SDK1: variants seen among roughly 807,000 people sequenced by gnomAD.
SDK1 encodes protein sidekick-1.
SDK1 carries 157 observed loss-of-function variants against 245.5 expected under a neutral mutation model. That is an observed-to-expected ratio of 0.64 (90% CI 0.56 to 0.73). The LOEUF is 0.73. Ranked by LOEUF, SDK1 falls within the 30% of genes least tolerant of loss-of-function variation. SDK1 has a pLI of 0.00. For synonymous variants in SDK1, 1,647 were observed against 1,278.5 expected (o/e 1.29, Z -6.15); for missense variants, 3,583 against 3,002.3 (o/e 1.19, Z -4.52).
At chr7:3,893,304 G>T (rs1451549606) in intron 5 of SDK1, among the ~76,000 whole-genome samples, 1 of 152,132 alleles carries the variant, frequency 6.6e-6, no homozygotes. Context: ...ACCTGGGTCT[G>T]AATCGCACTG....
chr7:3,589,711 G>A (rs953683604), intron 1 of SDK1, among the ~76,000 whole-genome samples: 1 of 152,136 alleles, frequency 6.6e-6, no homozygotes, highest in Non-Finnish European at 1.5e-5. Flanking sequence ...AGGACTCACT[G>A]TCATGAGAAC....
intron 22 of SDK1, among the ~76,000 whole-genome samples, chr7:4,105,477 T>C (rs1782841108): frequency 6.6e-6 from 1 of 151,728 alleles, no homozygotes. Context: ...CAGCCAATTT[T>C]TGTATTTTTA....
At chr7:4,209,171 G>C (rs1430049570) in intron 37 of SDK1, among the ~76,000 whole-genome samples, 1 of 152,222 alleles carries the variant, frequency 6.6e-6, no homozygotes, top group East Asian at 1.9e-4. Flanking sequence ...GCCCGCATCT[G>C]AGCTGGAAGG....
chr7:3,380,151 G>T (rs1781449633), intron 1 of SDK1, among the ~76,000 whole-genome samples: 1 of 152,080 alleles, frequency 6.6e-6, no homozygotes, highest in South Asian at 2.1e-4. Flanking sequence ...CAGAAAAAAA[G>T]TTCCTAAAAT....
At chr7:4,101,219 G>A (rs1782517578) in intron 22 of SDK1, among the ~76,000 whole-genome samples, 1 of 151,718 alleles carries the variant, frequency 6.6e-6, no homozygotes, top group South Asian at 2.1e-4. Flanking sequence ...TGCGATCTCG[G>A]CAAGCTCCGC....
chr7:3,457,732 C>T (rs1345340919), intron 1 of SDK1, among the ~76,000 whole-genome samples: 1 of 152,126 alleles, frequency 6.6e-6, no homozygotes, highest in East Asian at 1.9e-4. Flanking sequence ...GCTGATTGTT[C>T]TCTGGGTCTT....
In SDK1 at chr7:4,174,903, G is replaced by A. The variant is rs528929811; in HGVS notation, c.4936+546G>A. On this transcript the variant is annotated intron_variant, in intron 33 of 44. Transcript: ENST00000404826. ...CCCTGCCCGTTCCCACCCCTCCTCTGTTGGATGGAGGTTAGAGGGGGTTCA... is the reference window on the plus strand; with the variant it reads ...CCCTGCCCGTTCCCACCCCTCCTCTATTGGATGGAGGTTAGAGGGGGTTCA... Among the ~76,000 whole-genome samples, 8 of 152,314 alleles carry A rather than the reference G, an allele frequency of 5.3e-5. No homozygotes were observed. The East Asian group carries it at 1.4e-3, about 26-fold the overall frequency.
rs1786319488 is a variant in SDK1 at position 4,238,432 on chromosome 7, CTT to C, written c.6130+649_6130+650del. On this transcript the variant is annotated intron_variant, in intron 42 of 44. Coordinates refer to ENST00000404826, the MANE Select transcript of SDK1 (RefSeq NM_152744.4). ...AGTGAGGTGTGTCTGGGAATGGTGG[CTT>C]ATGCCTGTAATCCTAGTGATTTTGG... Among the ~76,000 whole-genome samples the C allele has an allele frequency of 3.9e-5, 6 of 152,156 alleles. No individual in the cohort carries two copies. In the South Asian group the frequency reaches 1.2e-3, roughly 32 times the overall value.
chr7:3,771,436 A>T (rs113323745), intron 4 of SDK1, among the ~76,000 whole-genome samples: 1 of 152,136 alleles, frequency 6.6e-6, no homozygotes, highest in Non-Finnish European at 1.5e-5. Flanking sequence ...GAGCATAAAG[A>T]ATCGAGGCCG....
chr7:3,666,623 C>T (rs997289393), intron 4 of SDK1, among the ~76,000 whole-genome samples: 10 of 152,186 alleles, frequency 6.6e-5, no homozygotes, highest in African/African-American at 2.4e-4. Context: ...GACAGACACT[C>T]TGTATCTCAG....
At chr7:3,761,259 CCTT>C (rs1385229563) in intron 4 of SDK1, among the ~76,000 whole-genome samples, 1 of 97,530 alleles carries the variant, frequency 1.0e-5, no homozygotes, top group Non-Finnish European at 2.0e-5. Flanking sequence ...AGCCCCCCCT[CCTT>C]TTTTTTTTTT....
chr7:4,220,686 G>A lies in SDK1; in HGVS notation c.5701+416G>A, dbSNP rs368849395. 4.6e-5 allele frequency among the ~76,000 whole-genome samples: 7 copies of A among 152,236 alleles called. No homozygotes were observed. In the East Asian group the frequency reaches 1.2e-3, roughly 25 times the overall value. ...ACAGGAAGGCGTGGGCTGCAGAACC[G>A]GCATTCAGGGAGTGCTGCTTAGTCC... is the stretch of plus-strand genomic sequence containing the variant. On this transcript the variant is annotated intron_variant, in intron 39 of 44. Transcript: ENST00000404826.
chr7:3,666,446 T>G lies in SDK1; in HGVS notation c.713+24341T>G, dbSNP rs139304194. ...TCTTACATTTCAGATCTCATCACTT[T>G]CTCTGAGACCATTTCCCAGGCTCCT... On this transcript the variant is annotated intron_variant, in intron 4 of 44. Coordinates refer to ENST00000404826, the MANE Select transcript of SDK1 (RefSeq NM_152744.4). Among the ~76,000 whole-genome samples the G allele has an allele frequency of 7.9e-5, 12 of 152,324 alleles. No individual in the cohort carries two copies. The East Asian group carries it at 2.3e-3, about 30-fold the overall frequency.
chr7:3,757,221 T>C (rs1779957876), intron 4 of SDK1, among the ~76,000 whole-genome samples: 1 of 152,066 alleles, frequency 6.6e-6, no homozygotes, highest in Admixed American at 6.6e-5. Flanking sequence ...CAAAACCCCC[T>C]CCTTGGGCTC....
chr7:3,465,724 G>A (rs1196728646), intron 1 of SDK1, among the ~76,000 whole-genome samples: 1 of 152,152 alleles, frequency 6.6e-6, no homozygotes, highest in Admixed American at 6.5e-5. Context: ...GTCTGGGAAG[G>A]TGTGAAGGAG....
At chr7:3,952,849 A>G (rs907160463) in intron 7 of SDK1, among the ~76,000 whole-genome samples, 2 of 152,218 alleles carry the variant, frequency 1.3e-5, no homozygotes, top group African/African-American at 4.8e-5. Context: ...ACAGTGGCTA[A>G]GAAAATACAA....
At chr7:4,262,760 C>G (rs1583199782) in intron 44 of SDK1, among the ~76,000 whole-genome samples, 1 of 108,312 alleles carries the variant, frequency 9.2e-6, no homozygotes, top group Non-Finnish European at 1.9e-5. Context: ...CTCCCCTCCC[C>G]TCTACCTCAT....
rs780742437 is a variant in SDK1, at chr7:4,147,921, C to T, written c.4424-1341C>T. ...CACGTGTGCAGGTGCATCACAGACA[C>T]GGTCTCACAGCAGGTCCTCTTATTT... is the stretch of plus-strand genomic sequence containing the variant. On this transcript the variant is annotated intron_variant, in intron 29 of 44. Coordinates refer to ENST00000404826, the MANE Select transcript of SDK1 (RefSeq NM_152744.4). Among the ~76,000 whole-genome samples, 15 of 152,214 alleles carry T rather than the reference C, an allele frequency of 9.9e-5. 1 individual carries two copies. Among genetic ancestry groups the T allele is most frequent in the East Asian group, 7.7e-4 (4 of 5,192 alleles).
chr7:4,049,670 T>C (rs955784080), intron 18 of SDK1, among the ~76,000 whole-genome samples: 2 of 152,206 alleles, frequency 1.3e-5, no homozygotes, highest in Non-Finnish European at 2.9e-5. Flanking sequence ...ATCAAGAGGA[T>C]GGTTCATACA....
Sources: gnomAD v4.1 joint callset for allele counts (sites outside exome capture counted in the v4.1 genomes callset) on GRCh38, gnomAD v4.1.1 for gene constraint, MANE v1.5 for transcripts, NCBI Gene and HGNC (gene_info 2026-07-23, HGNC 2026-07-21) for gene names.